UNC79: variants seen among roughly 807,000 people sequenced by gnomAD.
The protein encoded by UNC79 is protein unc-79 homolog.
UNC79 carries 37 observed loss-of-function variants against 283.1 expected under a neutral mutation model. The ratio of observed to expected loss-of-function variants is 0.13; its 90% CI spans 0.10 to 0.17. UNC79 has a LOEUF of 0.17. UNC79 is among the 10% of genes least tolerant of loss of function. UNC79 has a pLI of 1.00. For missense variants in UNC79, 2,272 were observed against 3,211.1 expected (o/e 0.71, Z 7.07); for synonymous variants, 1,107 against 1,200.2 (o/e 0.92, Z 1.61).
chr14:93,485,249 T>C (rs2058357640), intron 4 of UNC79, among the ~76,000 whole-genome samples: 1 of 151,126 alleles, frequency 6.6e-6, no homozygotes. Context: ...TGTGTGTGTG[T>C]GTGTGCGTGT....
In UNC79 at chr14:93,548,347, G is replaced by C. The variant is rs374130095; in HGVS notation, c.1755+5651G>C. Among the ~76,000 whole-genome samples the C allele has an allele frequency of 3.3e-5, 5 of 152,230 alleles. No individual in the cohort carries two copies. The East Asian group carries it at 7.7e-4, about 24-fold the overall frequency. ...CTCATGATCTAGTCACCTCCCAATA[G>C]GCCCCACCTTCTAACATCATCACAT... On this transcript the variant is annotated intron_variant, in intron 14 of 48. Transcript: ENST00000555664.
intron 16 of UNC79, among the ~76,000 whole-genome samples, chr14:93,574,848 G>A (rs1444923594): frequency 6.6e-6 from 1 of 152,052 alleles, no homozygotes; most frequent in Non-Finnish European, 1.5e-5. Context: ...TGACCTATTG[G>A]ATGCTGGGGG....
At chr14:93,597,876 A>C (rs912157663) in intron 24 of UNC79, among the ~76,000 whole-genome samples, 1 of 152,194 alleles carries the variant, frequency 6.6e-6, no homozygotes, top group Non-Finnish European at 1.5e-5. Flanking sequence ...TTTGGGGGTG[A>C]GGCCCTTGCA....
At chr14:93,659,302 G>T (rs2071279763) in intron 39 of UNC79, 41 bp downstream of exon 42, 1 of 1,522,580 alleles carries the variant, frequency 6.6e-7, no homozygotes, top group Non-Finnish European at 9.0e-7. Flanking sequence ...TGGTTAGTCA[G>T]TTTTTTTTAA....
chr14:93,421,662 C>T (rs371263254), intron 1 of UNC79, among the ~76,000 whole-genome samples: 12 of 151,490 alleles, frequency 7.9e-5, no homozygotes, highest in South Asian at 2.1e-4. Context: ...AAAAAAGACA[C>T]TATAGGCCAA....
At chr14:93,647,460 C>T (rs1395269376) in intron 35 of UNC79, among the ~76,000 whole-genome samples, 1 of 152,082 alleles carries the variant, frequency 6.6e-6, no homozygotes, top group African/African-American at 2.4e-5. Context: ...AATATTTGAA[C>T]AAAACATGAA....
chr14:93,574,157 C>G (rs564636847), intron 16 of UNC79, among the ~76,000 whole-genome samples: 3 of 151,916 alleles, frequency 2.0e-5, no homozygotes, highest in Non-Finnish European at 4.4e-5. Flanking sequence ...GTTGCACAGC[C>G]CTTACACTGT....
chr14:93,600,364 GA>G (rs1332770713), intron 24 of UNC79, among the ~76,000 whole-genome samples: 1 of 119,968 alleles, frequency 8.3e-6, no homozygotes, highest in Admixed American at 9.9e-5. Context: ...ATTCTACAAG[GA>G]AGATAAATTC....
At chr14:93,554,379 TCTCTC>T (rs1360435369) in intron 14 of UNC79, among the ~76,000 whole-genome samples, 1 of 151,528 alleles carries the variant, frequency 6.6e-6, no homozygotes, top group East Asian at 1.9e-4. Context: ...AAATTCTGTC[TCTCTC>T]TTTTTCCTGT....
chr14:93,569,504 A>G (rs2063094748), intron 14 of UNC79, among the ~76,000 whole-genome samples: 2 of 152,244 alleles, frequency 1.3e-5, no homozygotes, highest in South Asian at 4.1e-4. Context: ...TCTGGATGGT[A>G]GAAGATTTAC....
At chr14:93,525,743 G>C (rs567898647) in intron 8 of UNC79, among the ~76,000 whole-genome samples, 136 of 152,152 alleles carry the variant, frequency 8.9e-4, no homozygotes, top group Non-Finnish European at 1.5e-3. Context: ...CAACATGAAG[G>C]GGATCCTTTC....
At chr14:93,463,247 C>T (rs1039745282) in intron 1 of UNC79, among the ~76,000 whole-genome samples, 1 of 152,042 alleles carries the variant, frequency 6.6e-6, no homozygotes, top group East Asian at 1.9e-4. Flanking sequence ...AAATGGTGAT[C>T]GGAAAGTGCC....
chr14:93,347,300 G>A (rs759791285), intron 1 of UNC79: 3 of 1,605,058 alleles, frequency 1.9e-6, no homozygotes, highest in South Asian at 2.2e-5. Flanking sequence ...TGTCCTGCCC[G>A]CCGCCACTAC....
At chr14:93,435,030 C>G (rs2056029180) in intron 1 of UNC79, among the ~76,000 whole-genome samples, 1 of 152,118 alleles carries the variant, frequency 6.6e-6, no homozygotes, top group Non-Finnish European at 1.5e-5. Context: ...TATGTAAGGG[C>G]CATGCATGGA....
intron 2 of UNC79, among the ~76,000 whole-genome samples, chr14:93,468,766 A>C (rs1253451827): frequency 6.6e-6 from 1 of 152,204 alleles, no homozygotes; most frequent in Non-Finnish European, 1.5e-5. Flanking sequence ...ATTTTTTGAA[A>C]TATCTTTCCT....
intron 22 of UNC79, among the ~76,000 whole-genome samples, 175 bp from the exon 23 acceptor site, chr14:93,593,505 C>G (rs1356157017): frequency 6.6e-6 from 1 of 152,172 alleles, no homozygotes; most frequent in African/African-American, 2.4e-5. Flanking sequence ...GTTAAGAGGA[C>G]AGAGCATAGG....
intron 1 of UNC79, among the ~76,000 whole-genome samples, chr14:93,422,890 C>A (rs907796727): frequency 1.3e-5 from 2 of 151,316 alleles, no homozygotes; most frequent in Non-Finnish European, 2.9e-5. Context: ...GAAACCCTGT[C>A]TCTACTAAAA....
chr14:93,639,173 G>C (rs989750056), intron 32 of UNC79, among the ~76,000 whole-genome samples: 1 of 152,096 alleles, frequency 6.6e-6, no homozygotes, highest in African/African-American at 2.4e-5. Context: ...CTTCTGAAAG[G>C]CTTGACTCAG....
intron 26 of UNC79, among the ~76,000 whole-genome samples, chr14:93,605,746 G>C (rs2065838876): frequency 6.6e-6 from 1 of 152,152 alleles, no homozygotes; most frequent in Non-Finnish European, 1.5e-5. Context: ...TTTCAAGTAA[G>C]GAGACTTTAA....
Sources: allele counts gnomAD v4.1 joint callset (sites outside exome capture counted in the v4.1 genomes callset), GRCh38; gene constraint gnomAD v4.1.1; transcripts MANE v1.5; gene names NCBI Gene and HGNC (gene_info 2026-07-23, HGNC 2026-07-21).